Variants in ACOXL observed in about 807,000 individuals in gnomAD.
ACOXL encodes the protein acyl-CoA oxidase like.
In ACOXL, 70 loss-of-function variants were observed where a neutral mutation model predicts 71.9. The observed-to-expected ratio is 0.97, with a 90% CI of 0.80 to 1.19. ACOXL has a LOEUF of 1.19. Ranked by LOEUF, ACOXL falls within the 50% of genes most tolerant of loss-of-function variation. ACOXL has a pLI of 0.00. For synonymous variants in ACOXL, 253 were observed against 281.6 expected, an observed-to-expected ratio of 0.90 and a Z score of 1.02; for missense variants, 703 against 736.3, an observed-to-expected ratio of 0.95 and a Z score of 0.52.
chr2:110,961,866 T>C (rs911846948), intron 12 of ACOXL, among the ~76,000 whole-genome samples: 7 of 152,252 alleles, frequency 4.6e-5, no homozygotes, highest in African/African-American at 1.7e-4. Flanking sequence ...CATCAGATCT[T>C]GTGAGACTTA....
At chr2:111,028,359 G>A (rs1022210075) in intron 14 of ACOXL, among the ~76,000 whole-genome samples, 1 of 151,808 alleles carries the variant, frequency 6.6e-6, no homozygotes, top group African/African-American at 2.4e-5. Context: ...TCTTGGCTCA[G>A]TATACCCAGG....
chr2:110,756,424 G>T (rs1679713123), intron 1 of ACOXL, among the ~76,000 whole-genome samples: 1 of 152,146 alleles, frequency 6.6e-6, no homozygotes, highest in Non-Finnish European at 1.5e-5. Context: ...CCACCGCACC[G>T]TGTCAAGGTC....
At chr2:110,803,936 G>T (rs1451542996) in intron 8 of ACOXL, among the ~76,000 whole-genome samples, 1 of 149,790 alleles carries the variant, frequency 6.7e-6, no homozygotes, top group Non-Finnish European at 1.5e-5. Flanking sequence ...CCATTAGGAA[G>T]ATACGAATCA....
intron 5 of ACOXL, among the ~76,000 whole-genome samples, chr2:110,795,174 C>T (rs938568979): frequency 4.6e-5 from 7 of 152,174 alleles, no homozygotes; most frequent in African/African-American, 9.7e-5. Flanking sequence ...TTTATTTTTG[C>T]AGTTTGTCCT....
intron 10 of ACOXL, among the ~76,000 whole-genome samples, chr2:110,866,985 T>C (rs1000351989): frequency 6.6e-6 from 1 of 152,198 alleles, no homozygotes; most frequent in Non-Finnish European, 1.5e-5. Flanking sequence ...GCCACAGGGC[T>C]TCCCCCTTGG....
intron 15 of ACOXL, among the ~76,000 whole-genome samples, chr2:111,044,406 G>C (rs1310998321): frequency 6.6e-6 from 1 of 152,246 alleles, no homozygotes; most frequent in Non-Finnish European, 1.5e-5. Context: ...GCAAGTTCCA[G>C]GTGGGCAGTA....
At chr2:110,934,909 T>C (rs1349458891) in intron 12 of ACOXL, among the ~76,000 whole-genome samples, 1 of 152,172 alleles carries the variant, frequency 6.6e-6, no homozygotes, top group African/African-American at 2.4e-5. Flanking sequence ...AGGGTGCAGC[T>C]GGCCAGGAGC....
chr2:110,856,414 A>G (rs1693250790), intron 10 of ACOXL, among the ~76,000 whole-genome samples: 1 of 152,234 alleles, frequency 6.6e-6, no homozygotes, highest in Non-Finnish European at 1.5e-5. Flanking sequence ...ATTTGACTTC[A>G]TATGTCCCCA....
intron 14 of ACOXL, among the ~76,000 whole-genome samples, chr2:111,031,398 T>G (rs1283234508): frequency 6.6e-6 from 1 of 152,208 alleles, no homozygotes; most frequent in East Asian, 1.9e-4. Flanking sequence ...GTGACCTCCA[T>G]TAGTATAAAT....
intron 16 of ACOXL, among the ~76,000 whole-genome samples, chr2:111,049,927 C>A (rs948506295): frequency 6.6e-6 from 1 of 152,120 alleles, no homozygotes; most frequent in Non-Finnish European, 1.5e-5. Context: ...CCCTGGCAAG[C>A]TGCCCACCTG....
In ACOXL at chr2:110,880,070, T is replaced by C. The variant is rs1378940738; in HGVS notation, c.789-28719T>C. On this transcript the variant is annotated intron_variant, in intron 10 of 17. Coordinates refer to ENST00000439055, the MANE Select transcript of ACOXL (RefSeq NM_001142807.4). ...CTGAGGCAGGAGAATTGCTTGAACC[T>C]GGGAGGTGGAGGTTGCAGTGACCGA... is the stretch of plus-strand genomic sequence containing the variant. Among the ~76,000 whole-genome samples, 4 of 145,512 alleles carry C rather than the reference T, an allele frequency of 2.7e-5. No homozygotes were observed. The East Asian group carries it at 8.1e-4, about 29-fold the overall frequency.
chr2:110,818,423 ATGTGTGTGTGTGTGTGTG>A (rs766770172), intron 9 of ACOXL, among the ~76,000 whole-genome samples: 2 of 137,694 alleles, frequency 1.5e-5, no homozygotes, highest in Admixed American at 1.5e-4. Flanking sequence ...ATATATATAT[ATGTGTGTGTGTGTGTGTG>A]TGTGTGTGTG....
intron 10 of ACOXL, among the ~76,000 whole-genome samples, chr2:110,879,315 G>A (rs116075332): frequency 6.6e-6 from 1 of 152,198 alleles, no homozygotes; most frequent in African/African-American, 2.4e-5. Context: ...GCTGGACTGA[G>A]AGGCTGTCTT....
intron 16 of ACOXL, among the ~76,000 whole-genome samples, chr2:111,064,415 G>GA (rs1215837920): frequency 1.7e-5 from 2 of 117,616 alleles, no homozygotes; most frequent in African/African-American, 6.6e-5. Flanking sequence ...CGGACTGGGC[G>GA]AAAGAGCGAC....
At chr2:110,886,747 T>C (rs1297808853) in intron 10 of ACOXL, 23 of 1,550,688 alleles carry the variant, frequency 1.5e-5, no homozygotes, top group Non-Finnish European at 2.0e-5. Flanking sequence ...GAACTGAATT[T>C]GTTGCCATCT....
At chr2:111,056,516 T>A (rs1898846) in intron 16 of ACOXL, among the ~76,000 whole-genome samples, 9 of 151,914 alleles carry the variant, frequency 5.9e-5, no homozygotes, top group African/African-American at 2.2e-4. Context: ...AGGCCAGGCA[T>A]GGTGGCTCAC....
chr2:110,942,495 G>A (rs956206585), intron 12 of ACOXL, among the ~76,000 whole-genome samples: 1 of 152,136 alleles, frequency 6.6e-6, no homozygotes, highest in Non-Finnish European at 1.5e-5. Context: ...ATGACCAGGG[G>A]CCTGTTCCTC....
chr2:110,799,993 G>A (rs1685768357), intron 7 of ACOXL, among the ~76,000 whole-genome samples: 1 of 152,188 alleles, frequency 6.6e-6, no homozygotes, highest in African/African-American at 2.4e-5. Flanking sequence ...AGCCAATCGC[G>A]GGGAGGATTG....
chr2:110,982,023 T>C (rs974413100), intron 12 of ACOXL, among the ~76,000 whole-genome samples: 3 of 152,210 alleles, frequency 2.0e-5, no homozygotes, highest in Non-Finnish European at 4.4e-5. Flanking sequence ...ACAACAAAAC[T>C]AACCGCTCTT....
Sources: gnomAD v4.1 joint callset for allele counts (sites outside exome capture counted in the v4.1 genomes callset) on GRCh38, gnomAD v4.1.1 for gene constraint, MANE v1.5 for transcripts, NCBI Gene and HGNC (gene_info 2026-07-23, HGNC 2026-07-21) for gene names.